The following FGF5 variants were observed in gnomAD, a reference collection of about 807,000 sequenced individuals.
FGF5 encodes heparin-binding growth factor 5.
A neutral mutation model predicts 21.8 loss-of-function variants in FGF5; 23 were observed. The observed-to-expected ratio is 1.05, with a 90% confidence interval of 0.76 to 1.49. The LOEUF (loss-of-function observed/expected upper bound fraction) is 1.49, where lower values mean the gene tolerates loss of function less well. Ranked by LOEUF, FGF5 falls within the 40% of genes most tolerant of loss-of-function variation. FGF5 has a pLI of 0.00. For synonymous variants in FGF5, 158 were observed against 124.0 expected (o/e 1.27, Z -1.82); for missense variants, 352 against 332.9 (o/e 1.06, Z -0.45).
chr4:80,269,291 G>T (rs1035514584), intron 1 of FGF5, among the ~76,000 whole-genome samples: 7 of 152,166 alleles, frequency 4.6e-5, no homozygotes, highest in African/African-American at 1.4e-4. Flanking sequence ...TGGAGCCCAG[G>T]GAGCTCAGAG....
intron 2 of FGF5, among the ~76,000 whole-genome samples, chr4:80,276,957 T>C (rs1194069234): frequency 6.6e-6 from 1 of 152,090 alleles, no homozygotes; most frequent in African/African-American, 2.4e-5. Flanking sequence ...ATCTTAACTT[T>C]CAAAATATTC....
At chr4:80,269,787 A>G (rs553125021) in intron 1 of FGF5, among the ~76,000 whole-genome samples, 1 of 150,752 alleles carries the variant, frequency 6.6e-6, no homozygotes, top group South Asian at 2.1e-4. Context: ...TCTTCCATAG[A>G]GTTTTTTTTT....
chr4:80,286,348 G>C lies in FGF5; in HGVS notation c.483G>C (p.Lys161Asn), dbSNP rs144149346. The C allele has an allele frequency of 4.4e-6, 7 of 1,597,630 alleles. No individual in the cohort carries two copies. Among genetic ancestry groups the C allele is most frequent in the Admixed American group, 1.7e-5 (1 of 57,720 alleles). ...AGGCCAAGTTCACAGATGACTGCAA[G>C]TTCAGGGAGCGTTTTCAAGAAAATA... ...HASAKFTDDC[K>N]FRERFQENSY... The change falls in exon 3 of 3, where the codon AAG becomes AAC. Residue 161 changes from lysine (K) to asparagine (N), a missense_variant. By Grantham distance (94) the Lys-to-Asn change is moderately conservative. Coordinates refer to ENST00000312465, the MANE Select transcript of FGF5 (RefSeq NM_004464.4).
rs973995380 is a variant in FGF5 at position 80,286,912 on chromosome 4, C to A, written c.*240C>A. The A allele has an allele frequency of 2.4e-6, 1 of 420,692 alleles. No homozygotes were observed. The highest frequency in any genetic ancestry group is 3.8e-5 in the Admixed American group (1 of 26,044). 26.1% of individuals were successfully genotyped at this position (420,692 alleles called of 1,614,324 possible). A position where few individuals can be genotyped will look rare whatever the true frequency, so the allele number is the denominator to read the frequency against. Reference sequence around the variant, plus strand: ...GTTCAGCAAGACATAAAGCCTTTTGCTTTATGCTTGAGGGATATTTAGAAC... The same window carrying A: ...GTTCAGCAAGACATAAAGCCTTTTGATTTATGCTTGAGGGATATTTAGAAC... On this transcript the variant is annotated 3_prime_UTR_variant, in exon 3 of 3. Coordinates refer to ENST00000312465, the MANE Select transcript of FGF5 (RefSeq NM_004464.4).
intron 2 of FGF5, among the ~76,000 whole-genome samples, chr4:80,278,955 C>T (rs1720485821): frequency 6.6e-6 from 1 of 152,190 alleles, no homozygotes; most frequent in Admixed American, 6.5e-5. Context: ...ACAGCTGTGG[C>T]CTGTACTCTC....
chr4:80,273,592 A>G (rs1366910072), intron 1 of FGF5, among the ~76,000 whole-genome samples: 1 of 152,170 alleles, frequency 6.6e-6, no homozygotes, highest in Non-Finnish European at 1.5e-5. Flanking sequence ...TCTATTTGGC[A>G]GAGTCCTATT....
At chr4:80,271,528 C>T (rs746857985) in intron 1 of FGF5, among the ~76,000 whole-genome samples, 4 of 152,148 alleles carry the variant, frequency 2.6e-5, no homozygotes, top group Admixed American at 2.0e-4. Context: ...CCGTCCACCC[C>T]GTGCCTTCTC....
At chr4:80,281,025 A>G (rs1720538046) in intron 2 of FGF5, among the ~76,000 whole-genome samples, 1 of 152,102 alleles carries the variant, frequency 6.6e-6, no homozygotes, top group African/African-American at 2.4e-5. Flanking sequence ...TATTAAAGCC[A>G]ACTTGTGTAT....
At chr4:80,269,571 A>T (rs1720210308) in intron 1 of FGF5, among the ~76,000 whole-genome samples, 1 of 152,244 alleles carries the variant, frequency 6.6e-6, no homozygotes, top group South Asian at 2.1e-4. Context: ...GATATCTACA[A>T]GAGAACAGGG....
intron 2 of FGF5, among the ~76,000 whole-genome samples, chr4:80,280,593 A>G (rs938324454): frequency 1.2e-4 from 19 of 152,218 alleles, no homozygotes; most frequent in Non-Finnish European, 7.3e-5. Context: ...TAATAAATGC[A>G]GGGTGATAGA....
At chr4:80,269,556 T>C (rs192811664) in intron 1 of FGF5, among the ~76,000 whole-genome samples, 1 of 152,344 alleles carries the variant, frequency 6.6e-6, no homozygotes, top group Admixed American at 6.5e-5. Flanking sequence ...AAATCCATGT[T>C]GAAAGATATC....
chr4:80,284,427 C>G (rs1720650794), intron 2 of FGF5, among the ~76,000 whole-genome samples: 4 of 152,068 alleles, frequency 2.6e-5, no homozygotes, highest in African/African-American at 9.7e-5. Flanking sequence ...GAGCAAGAAC[C>G]TGTCTCAAAA....
rs1274170717 is a variant in FGF5 at position 80,289,569 on chromosome 4, A to G, written c.*2897A>G. The G allele has an allele frequency of 1.3e-5, 2 of 152,144 alleles. No homozygotes were observed. Among genetic ancestry groups the G allele is most frequent in the African/African-American group, 4.8e-5 (2 of 41,434 alleles). 9.4% of individuals were successfully genotyped at this position (152,144 alleles called of 1,614,324 possible). A position where few individuals can be genotyped will look rare whatever the true frequency, so the allele number is the denominator to read the frequency against. ...GTCTATAGGTGACAAACATCTCCAG[A>G]CTAACATGTCAGTTTTATCAATTAT... is the stretch of plus-strand genomic sequence containing the variant. On this transcript the variant is annotated 3_prime_UTR_variant, in exon 3 of 3. Transcript: ENST00000312465.
rs1458040 is a variant in FGF5 at position 80,288,526 on chromosome 4, G to T, written c.*1854G>T. ...GTATTTCTGGGTTAAATGAAACAAT[G>T]AAATTTTTTAGTATGTTCAACTCTC... is the stretch of plus-strand genomic sequence containing the variant. On this transcript the variant is annotated 3_prime_UTR_variant, in exon 3 of 3. Coordinates refer to ENST00000312465, the MANE Select transcript of FGF5 (RefSeq NM_004464.4). The T allele has an allele frequency of 6.6e-6, 1 of 151,920 alleles. No homozygotes were observed. Among genetic ancestry groups the T allele is most frequent in the Non-Finnish European group, 1.5e-5 (1 of 67,954 alleles). 9.4% of individuals were successfully genotyped at this position (151,920 alleles called of 1,614,324 possible).
chr4:80,282,863 A>C (rs1013725908), intron 2 of FGF5, among the ~76,000 whole-genome samples: 6 of 152,198 alleles, frequency 3.9e-5, no homozygotes, highest in Admixed American at 3.3e-4. Context: ...ATTTAAAAAA[A>C]AGATTTAAAA....
chr4:80,269,331 A>G (rs28465282), intron 1 of FGF5, among the ~76,000 whole-genome samples: 2,011 of 152,208 alleles, frequency 0.013, 45 homozygotes, highest in African/African-American at 0.046. Context: ...TAGGTGTGCT[A>G]GAGATCTCAG....
chr4:80,270,771 G>A (rs1013526613), intron 1 of FGF5, among the ~76,000 whole-genome samples: 4 of 152,164 alleles, frequency 2.6e-5, no homozygotes, highest in Non-Finnish European at 4.4e-5. Flanking sequence ...CTTTGTCAAA[G>A]CGTTTACATA....
At chr4:80,278,254 T>C (rs148892296) in intron 2 of FGF5, among the ~76,000 whole-genome samples, 99 of 152,298 alleles carry the variant, frequency 6.5e-4, no homozygotes, top group African/African-American at 2.1e-3. Flanking sequence ...AGAATATTTA[T>C]AGCACTCTAT....
chr4:80,288,151 C>T lies in FGF5; in HGVS notation c.*1479C>T, dbSNP rs1015669681. The stretch of plus-strand genomic sequence containing the variant: ...GTAGTAACAAAAGGGTTCATAGAAA[C>T]TTCATGGTTTGCATTTAAACATGTT... On this transcript the variant is annotated 3_prime_UTR_variant, in exon 3 of 3. Coordinates refer to ENST00000312465, the MANE Select transcript of FGF5 (RefSeq NM_004464.4). The T allele has an allele frequency of 2.0e-5, 3 of 152,232 alleles. No individual in the cohort carries two copies. The highest frequency in any genetic ancestry group is 4.1e-4 in the South Asian group (2 of 4,826). 9.4% of individuals were successfully genotyped at this position (152,232 alleles called of 1,614,324 possible). A position where few individuals can be genotyped will look rare whatever the true frequency, so the allele number is the denominator to read the frequency against.
Sources: gnomAD v4.1 joint callset for allele counts (sites outside exome capture counted in the v4.1 genomes callset) on GRCh38, gnomAD v4.1.1 for gene constraint, MANE v1.5 for transcripts, NCBI Gene and HGNC (gene_info 2026-07-23, HGNC 2026-07-21) for gene names.